The following PIWIL1 variants were observed in gnomAD, a reference collection of about 807,000 sequenced individuals.
The protein encoded by PIWIL1 is piwi-like protein 1.
Under a neutral mutation model 114.4 loss-of-function variants are expected in PIWIL1, and 73 were observed. The observed-to-expected ratio is 0.64, with a 90% CI of 0.53 to 0.78. The LOEUF is 0.78. Among genes scored for constraint, PIWIL1 ranks in the 30% least tolerant of loss-of-function variants. PIWIL1 has a pLI of 0.00. For synonymous variants in PIWIL1, 375 were observed against 369.0 expected (o/e 1.02, Z -0.19); for missense variants, 723 against 1,063.1 (o/e 0.68, Z 4.45).
the PIWIL1 span, among the ~76,000 whole-genome samples, chr12:130,382,306 A>G: frequency 0.94 from 142,557 of 152,312 alleles, 66,842 homozygotes; most frequent in Non-Finnish European, 0.96. Flanking sequence ...CAGCTCCTAA[A>G]GTGTGTGTTG....
chr12:130,409,087 G>A, the PIWIL1 span, among the ~76,000 whole-genome samples: 1 of 152,132 alleles, frequency 6.6e-6, no homozygotes, highest in Non-Finnish European at 1.5e-5. Flanking sequence ...TTGAAAGGTG[G>A]CATAACAACA....
At chr12:130,374,345 G>T (rs2073850119), downstream of PIWIL1, among the ~76,000 whole-genome samples, 1 of 152,160 alleles carries the variant, frequency 6.6e-6, no homozygotes, top group Admixed American at 6.5e-5. Flanking sequence ...CTAAGTAAAA[G>T]CTTAAAGTTT....
chr12:130,410,178 T>C, the PIWIL1 span, among the ~76,000 whole-genome samples: 1 of 152,218 alleles, frequency 6.6e-6, no homozygotes, highest in Non-Finnish European at 1.5e-5. Flanking sequence ...GCCACCCACA[T>C]ATCGTCTTTG....
the PIWIL1 span, among the ~76,000 whole-genome samples, chr12:130,409,459 C>T: frequency 2.1e-5 from 3 of 145,958 alleles, no homozygotes; most frequent in Non-Finnish European, 1.5e-5. Context: ...TCTCCTGCTT[C>T]GGCCTCCTGA....
chr12:130,365,992 T>A (rs1189143476), intron 18 of PIWIL1, among the ~76,000 whole-genome samples: 3 of 152,204 alleles, frequency 2.0e-5, no homozygotes, highest in Non-Finnish European at 2.9e-5. Context: ...ACTCAAGTAC[T>A]CTCACTGAGT....
chr12:130,342,351 G>A, intron 1 of PIWIL1: 1 of 523,770 alleles, frequency 1.9e-6, no homozygotes, highest in Non-Finnish European at 3.4e-6. Flanking sequence ...ATTAAAATAG[G>A]TTTTCCCCTT....
chr12:130,348,226 A>T, intron 7 of PIWIL1, 43 bp downstream of exon 7: 5 of 1,178,222 alleles, frequency 4.2e-6, no homozygotes, highest in Non-Finnish European at 6.2e-6. Context: ...AGGCTTAATG[A>T]CAGACTTTTG....
intron 1 of PIWIL1, among the ~76,000 whole-genome samples, chr12:130,341,076 T>C (rs56136464): frequency 5.3e-4 from 80 of 152,276 alleles, no homozygotes; most frequent in Non-Finnish European, 1.0e-3. Context: ...AAAAAGATAA[T>C]GTGATTTAAG....
chr12:130,386,483 G>T, the PIWIL1 span, among the ~76,000 whole-genome samples: 1 of 70,678 alleles, frequency 1.4e-5, no homozygotes, highest in Non-Finnish European at 2.6e-5. Context: ...ACCCCTTCCT[G>T]TCTCCATTCA....
chr12:130,415,112 A>C, the PIWIL1 span, among the ~76,000 whole-genome samples: 3 of 152,218 alleles, frequency 2.0e-5, no homozygotes, highest in Admixed American at 6.5e-5. Flanking sequence ...AGAAAACTAC[A>C]GGCTAATATC....
chr12:130,406,967 G>C, the PIWIL1 span, among the ~76,000 whole-genome samples: 3 of 152,146 alleles, frequency 2.0e-5, no homozygotes, highest in African/African-American at 7.2e-5. Context: ...CAGTGTCTAC[G>C]ATGGGCCGGG....
intron 14 of PIWIL1, among the ~76,000 whole-genome samples, chr12:130,360,402 G>A (rs778650530): frequency 5.3e-5 from 8 of 152,180 alleles, no homozygotes; most frequent in Non-Finnish European, 7.3e-5. Flanking sequence ...TTGGGAGGCC[G>A]AGGCAGGCGG....
intron 3 of PIWIL1, 49 bp from the exon 4 acceptor site, chr12:130,345,704 T>C (rs1222338623): frequency 1.9e-6 from 3 of 1,604,888 alleles, no homozygotes; most frequent in African/African-American, 1.3e-5. Flanking sequence ...AATATTGTCA[T>C]CCTTTATTTC....
chr12:130,407,952 C>T, the PIWIL1 span: 16 of 813,140 alleles, frequency 2.0e-5, no homozygotes, highest in Admixed American at 1.3e-4. Flanking sequence ...AACAGGGCCA[C>T]GTGCTCCTGG....
the PIWIL1 span, among the ~76,000 whole-genome samples, chr12:130,384,335 A>C: frequency 6.6e-6 from 1 of 152,178 alleles, no homozygotes; most frequent in Admixed American, 6.5e-5. Context: ...AATCTGGTTC[A>C]GTTTTTCAGT....
chr12:130,422,511 C>T, the PIWIL1 span: 5 of 1,613,148 alleles, frequency 3.1e-6, no homozygotes, highest in Non-Finnish European at 4.2e-6. This position sits in a 1 kb window ranked among gnomAD's most constrained non-coding sequence, Gnocchi z 5.2. Flanking sequence ...CACGGGGAAA[C>T]CTCCGGCCCA....
chr12:130,368,881 C>CT (rs879628995), intron 19 of PIWIL1, among the ~76,000 whole-genome samples: 447 of 144,470 alleles, frequency 3.1e-3, no homozygotes, highest in Non-Finnish European at 3.9e-3. Flanking sequence ...GAAGCCCACT[C>CT]TTTTTTTTTT....
chr12:130,363,612 CTTTTTTT>C lies in PIWIL1; in HGVS notation c.2195+485_2195+491del, dbSNP rs34198016. On this transcript the variant is annotated intron_variant, in intron 18 of 20. Coordinates refer to ENST00000245255, the MANE Select transcript of PIWIL1 (RefSeq NM_004764.5). ...GGGCAGGGGTAGTTCTACTTTCTCC[CTTTTTTT>C]TTTTTTTTTTTTTTTTGAGATGGAG... 2.1e-3 allele frequency among the ~76,000 whole-genome samples: 172 copies of C among 82,436 alleles called. 1 individual carries two copies. The highest frequency in any genetic ancestry group is 8.4e-3 in the African/African-American group (166 of 19,754). The allele number at this position is 82,436 out of a possible 152,430, so 54.1% of individuals were successfully genotyped here.
At chr12:130,374,448 C>T (rs2073851651), downstream of PIWIL1, among the ~76,000 whole-genome samples, 1 of 152,176 alleles carries the variant, frequency 6.6e-6, no homozygotes, top group African/African-American at 2.4e-5. Context: ...TTTTAAAAAT[C>T]CATTGTGTAC....
Sources: allele counts gnomAD v4.1 joint callset (sites outside exome capture counted in the v4.1 genomes callset), GRCh38; gene constraint gnomAD v4.1.1; non-coding constraint Gnocchi (gnomAD v3.1); transcripts MANE v1.5; gene names NCBI Gene and HGNC (gene_info 2026-07-23, HGNC 2026-07-21).